Variants in ADGRL4 observed in about 807,000 individuals in gnomAD.
ADGRL4 encodes adhesion G protein-coupled receptor L4.
ADGRL4 carries 90 observed loss-of-function variants against 74.8 expected under a neutral mutation model. The observed-to-expected ratio is 1.20, with a 90% confidence interval of 1.02 to 1.43. The LOEUF (loss-of-function observed/expected upper bound fraction) is 1.43. Ranked by LOEUF, ADGRL4 falls within the 40% of genes most tolerant of loss-of-function variation. The pLI is 0.00. For missense variants in ADGRL4, 881 were observed against 814.3 expected, an observed-to-expected ratio of 1.08 and a Z score of -1.00; for synonymous variants, 311 against 279.2, an observed-to-expected ratio of 1.11 and a Z score of -1.14.
chr1:78,949,762 A>G (rs902084754), intron 2 of ADGRL4, among the ~76,000 whole-genome samples: 4 of 152,198 alleles, frequency 2.6e-5, no homozygotes, highest in Non-Finnish European at 5.9e-5. Flanking sequence ...TAATCCCTGT[A>G]ACTAACTCTA....
chr1:78,976,694 A>T (rs927032264), intron 2 of ADGRL4, among the ~76,000 whole-genome samples: 2 of 149,988 alleles, frequency 1.3e-5, no homozygotes, highest in Non-Finnish European at 3.0e-5. Context: ...AAATGGACAA[A>T]TTCCATAAAA....
intron 2 of ADGRL4, among the ~76,000 whole-genome samples, chr1:78,947,531 G>A (rs890413328): frequency 1.3e-5 from 2 of 152,134 alleles, no homozygotes; most frequent in African/African-American, 4.8e-5. Context: ...CTTGATTTTA[G>A]ACTTTTAGCC....
intron 7 of ADGRL4, among the ~76,000 whole-genome samples, chr1:78,930,167 G>A (rs959024563): frequency 5.3e-5 from 8 of 151,012 alleles, no homozygotes; most frequent in African/African-American, 1.7e-4. Flanking sequence ...TGTGTGTTGA[G>A]GTATATAGTT....
intron 2 of ADGRL4, among the ~76,000 whole-genome samples, chr1:78,953,157 T>C (rs1460453917): frequency 1.3e-5 from 2 of 152,186 alleles, no homozygotes; most frequent in Admixed American, 6.5e-5. Flanking sequence ...ATCTTGACCA[T>C]TGGAGATATG....
At chr1:78,917,565 G>T in intron 12 of ADGRL4, 69 bp downstream of exon 12, 1 of 959,658 alleles carries the variant, frequency 1.0e-6, no homozygotes, top group Non-Finnish European at 1.5e-6. Flanking sequence ...ACACCTTATT[G>T]CTGGAAATTT....
intron 12 of ADGRL4, among the ~76,000 whole-genome samples, chr1:78,896,739 T>C (rs1429233147): frequency 2.6e-5 from 4 of 152,110 alleles, no homozygotes; most frequent in Non-Finnish European, 4.4e-5. Flanking sequence ...GTCAGATCTT[T>C]TCACTGTTCA....
intron 2 of ADGRL4, among the ~76,000 whole-genome samples, chr1:78,970,529 G>A (rs1207859888): frequency 6.6e-6 from 1 of 152,114 alleles, no homozygotes; most frequent in Non-Finnish European, 1.5e-5. Context: ...CATGTGCCAA[G>A]GTCACCAGGA....
intron 10 of ADGRL4, among the ~76,000 whole-genome samples, chr1:78,919,803 C>T (rs1295214709): frequency 1.3e-5 from 2 of 151,926 alleles, no homozygotes; most frequent in African/African-American, 2.4e-5. Flanking sequence ...ACATTCCAAC[C>T]TACAAACTGT....
intron 2 of ADGRL4, among the ~76,000 whole-genome samples, chr1:78,987,053 T>C (rs1453544363): frequency 6.6e-6 from 1 of 151,778 alleles, no homozygotes; most frequent in East Asian, 1.9e-4. Context: ...TCAGTGCTAT[T>C]TTAAGTAGTA....
At position 78,939,262 on chromosome 1, in the gene ADGRL4, T is replaced by C; in HGVS notation, c.326-4A>G. On this transcript the variant is annotated splice_polypyrimidine_tract_variant and splice_region_variant and intron_variant, in intron 3 of 14. Coordinates refer to ENST00000370742, the MANE Select transcript of ADGRL4 (RefSeq NM_022159.4). ...TGGCAGTTTGCATTCACATTTTCTG[T>C]AAAAAAAGAAAATAGATTATACAGT... 2 of 1,560,328 alleles carry C rather than the reference T, an allele frequency of 1.3e-6. No individual in the cohort carries two copies. The highest frequency in any genetic ancestry group is 1.7e-6 in the Non-Finnish European group (2 of 1,155,286).
intron 2 of ADGRL4, among the ~76,000 whole-genome samples, chr1:78,995,253 T>C (rs1352652099): frequency 6.6e-6 from 1 of 152,210 alleles, no homozygotes; most frequent in Non-Finnish European, 1.5e-5. Context: ...ATTTAATGTC[T>C]TACTTTTCAG....
intron 10 of ADGRL4, among the ~76,000 whole-genome samples, chr1:78,919,497 A>G (rs1197788844): frequency 2.0e-5 from 3 of 151,890 alleles, no homozygotes; most frequent in Non-Finnish European, 4.4e-5. Context: ...ACCTGTGCTG[A>G]CTTTTCCTTA....
chr1:78,943,041 A>G (rs1649520548), intron 3 of ADGRL4, among the ~76,000 whole-genome samples: 1 of 152,144 alleles, frequency 6.6e-6, no homozygotes, highest in Admixed American at 6.5e-5. Flanking sequence ...TGATCATATG[A>G]TGGTTATGAT....
Position 78,898,881 on chromosome 1 carries a change from T to TA in ADGRL4, c.1750-5693dup, listed in dbSNP as rs925917365. Among the ~76,000 whole-genome samples the TA allele has an allele frequency of 2.1e-3, 326 of 151,948 alleles. 2 individuals carry two copies. The highest frequency in any genetic ancestry group is 7.5e-3 in the African/African-American group (311 of 41,468). ...TGTGTTAAAATTTTTTAAGTGTCTT[T>TA]AAAAAAAACAAGAAATTTAAGTAGA... On this transcript the variant is annotated intron_variant, in intron 12 of 14. Transcript: ENST00000370742.
intron 2 of ADGRL4, among the ~76,000 whole-genome samples, chr1:78,957,754 A>G (rs1255997654): frequency 6.6e-6 from 1 of 152,198 alleles, no homozygotes; most frequent in Non-Finnish European, 1.5e-5. Flanking sequence ...TGGCTAAGAT[A>G]ATTGTTAAAA....
At chr1:78,990,987 A>G (rs1335312893) in intron 2 of ADGRL4, among the ~76,000 whole-genome samples, 1 of 152,052 alleles carries the variant, frequency 6.6e-6, no homozygotes, top group Non-Finnish European at 1.5e-5. Context: ...AGCAAGTGTT[A>G]GAAACACCTC....
At chr1:78,996,652 T>C (rs1650721744) in intron 2 of ADGRL4, among the ~76,000 whole-genome samples, 1 of 152,190 alleles carries the variant, frequency 6.6e-6, no homozygotes. Flanking sequence ...AGATGAATAT[T>C]AGGCCTTCCA....
At chr1:78,985,200 C>T (rs1479974821) in intron 2 of ADGRL4, among the ~76,000 whole-genome samples, 1 of 151,618 alleles carries the variant, frequency 6.6e-6, no homozygotes, top group Non-Finnish European at 1.5e-5. Context: ...TTATAATAGT[C>T]TATCATTCTA....
chr1:78,957,715 T>C (rs150588709), intron 2 of ADGRL4, among the ~76,000 whole-genome samples: 230 of 152,310 alleles, frequency 1.5e-3, no homozygotes, highest in African/African-American at 5.2e-3. Context: ...GGTGCTGATG[T>C]AGAAGCTGCA....
Sources: gnomAD v4.1 joint callset for allele counts (sites outside exome capture counted in the v4.1 genomes callset) on GRCh38, gnomAD v4.1.1 for gene constraint, MANE v1.5 for transcripts, NCBI Gene and HGNC (gene_info 2026-07-23, HGNC 2026-07-21) for gene names.